The following PPP1R9A variants were observed in gnomAD, a reference collection of about 807,000 sequenced individuals.
The protein encoded by PPP1R9A is protein phosphatase 1 regulatory subunit 9A.
A neutral mutation model predicts 141.9 loss-of-function variants in PPP1R9A; 59 were observed. The ratio of observed to expected loss-of-function variants is 0.42; its 90% CI spans 0.34 to 0.52. The LOEUF is 0.52. PPP1R9A is among the 20% of genes least tolerant of loss of function. PPP1R9A has a pLI of 0.10. For missense variants in PPP1R9A, 1,444 were observed against 1,611.9 expected, an observed-to-expected ratio of 0.90 and a Z score of 1.78; for synonymous variants, 500 against 569.7, an observed-to-expected ratio of 0.88 and a Z score of 1.74.
intron 2 of PPP1R9A, among the ~76,000 whole-genome samples, chr7:95,039,519 C>T (rs1002113567): frequency 6.6e-6 from 1 of 150,540 alleles, no homozygotes; most frequent in East Asian, 2.0e-4. Flanking sequence ...GATCATGCCA[C>T]TGTACTCCAG....
chr7:95,021,277 A>G (rs867539910), intron 2 of PPP1R9A, among the ~76,000 whole-genome samples: 1 of 149,990 alleles, frequency 6.7e-6, no homozygotes, highest in Non-Finnish European at 1.5e-5. Context: ...TCTTCTTTTG[A>G]AAAGTGTTCA....
At chr7:94,937,146 A>G (rs899416177) in intron 2 of PPP1R9A, among the ~76,000 whole-genome samples, 1 of 152,022 alleles carries the variant, frequency 6.6e-6, no homozygotes, top group East Asian at 1.9e-4. Flanking sequence ...ATAATGCTGC[A>G]TCTTGATATA....
chr7:95,024,050 C>T (rs1037164412), intron 2 of PPP1R9A, among the ~76,000 whole-genome samples: 13 of 152,116 alleles, frequency 8.5e-5, no homozygotes. Context: ...ACCCAGTAGT[C>T]CTTTAGTAGC....
intron 2 of PPP1R9A, among the ~76,000 whole-genome samples, chr7:95,031,584 C>T (rs1038851586): frequency 2.0e-5 from 3 of 151,818 alleles, no homozygotes; most frequent in South Asian, 2.1e-4. Flanking sequence ...GGTGAAATGC[C>T]GTTTCTACTA....
intron 2 of PPP1R9A, among the ~76,000 whole-genome samples, chr7:95,062,967 C>T (rs182860247): frequency 5.5e-4 from 83 of 152,166 alleles, no homozygotes; most frequent in African/African-American, 2.0e-3. Flanking sequence ...AAATAAACTT[C>T]CATTGGAAAT....
At chr7:95,079,618 C>T (rs1311410768) in intron 2 of PPP1R9A, among the ~76,000 whole-genome samples, 12 of 151,854 alleles carry the variant, frequency 7.9e-5, no homozygotes, top group Non-Finnish European at 8.8e-5. Context: ...ATACCAAAGC[C>T]GGGCAGAGAC....
rs1807043977 is a variant in PPP1R9A, at chr7:95,295,917, T to C, written c.*5614T>C. ...CTGCTTTTATATTTTTTAATGGTGT[T>C]GCAACCACTTGTACACCTGCTACAC... is the stretch of plus-strand genomic sequence containing the variant. On this transcript the variant is annotated 3_prime_UTR_variant, in exon 20 of 20. Coordinates refer to ENST00000433360, the MANE Select transcript of PPP1R9A (RefSeq NM_001166160.2). 1 of 152,664 alleles carries C rather than the reference T, an allele frequency of 6.6e-6. No individual in the cohort carries two copies. 9.5% of individuals were successfully genotyped at this position (152,664 alleles called of 1,614,324 possible).
At chr7:95,246,943 A>G (rs979971323) in intron 8 of PPP1R9A, among the ~76,000 whole-genome samples, 2 of 152,184 alleles carry the variant, frequency 1.3e-5, no homozygotes, top group African/African-American at 4.8e-5. Flanking sequence ...AAAGAAAAAA[A>G]TATGTATCAG....
At chr7:94,984,445 T>C (rs778049857) in intron 2 of PPP1R9A, among the ~76,000 whole-genome samples, 3 of 152,192 alleles carry the variant, frequency 2.0e-5, no homozygotes, top group Non-Finnish European at 4.4e-5. Flanking sequence ...AATTTGGCTG[T>C]GAATCCATCT....
chr7:95,170,752 A>T (rs763906330), intron 5 of PPP1R9A, among the ~76,000 whole-genome samples: 31 of 151,594 alleles, frequency 2.0e-4, no homozygotes, highest in Non-Finnish European at 4.1e-4. Context: ...AAATAATATA[A>T]AACGAAATTC....
chr7:95,251,707 G>C, intron 10 of PPP1R9A, 55 bp from the exon 11 acceptor site: 1 of 1,499,526 alleles, frequency 6.7e-7, no homozygotes, highest in East Asian at 2.4e-5. Context: ...TTTCAGATAA[G>C]AACTTTCATT....
At chr7:95,094,012 C>T (rs1044182976) in intron 2 of PPP1R9A, among the ~76,000 whole-genome samples, 16 of 152,078 alleles carry the variant, frequency 1.1e-4, no homozygotes, top group Non-Finnish European at 1.3e-4. Flanking sequence ...CACTCCAAAG[C>T]GGCTGATTTA....
At chr7:95,083,072 C>T (rs559676381) in intron 2 of PPP1R9A, among the ~76,000 whole-genome samples, 5 of 151,764 alleles carry the variant, frequency 3.3e-5, no homozygotes, top group African/African-American at 4.9e-5. Context: ...CTTTTCTCAC[C>T]CATTGCAAGG....
intron 2 of PPP1R9A, among the ~76,000 whole-genome samples, chr7:94,958,759 G>A (rs1192797617): frequency 1.3e-5 from 2 of 151,866 alleles, no homozygotes; most frequent in Non-Finnish European, 2.9e-5. Context: ...TGTAACTTGG[G>A]TAAAATCCCA....
At chr7:95,268,444 C>G (rs1801636265) in intron 12 of PPP1R9A, 106 bp from the exon 13 acceptor site, 1 of 1,290,336 alleles carries the variant, frequency 7.7e-7, no homozygotes, top group Admixed American at 2.0e-5. Flanking sequence ...GTCACCTGAT[C>G]CTTACCTGAT....
intron 5 of PPP1R9A, among the ~76,000 whole-genome samples, chr7:95,196,247 G>C (rs1210679284): frequency 1.3e-5 from 2 of 152,066 alleles, no homozygotes; most frequent in Non-Finnish European, 2.9e-5. Context: ...TCAGTCATCA[G>C]GGCAATGGAA....
chr7:95,178,002 A>T (rs1463061449), intron 5 of PPP1R9A, among the ~76,000 whole-genome samples: 1 of 152,048 alleles, frequency 6.6e-6, no homozygotes, highest in Non-Finnish European at 1.5e-5. Flanking sequence ...CAAAGAAACA[A>T]TGGATTTAAA....
chr7:95,271,755 G>T (rs952183971), intron 14 of PPP1R9A, among the ~76,000 whole-genome samples: 1 of 152,112 alleles, frequency 6.6e-6, no homozygotes, highest in Non-Finnish European at 1.5e-5. Flanking sequence ...ACCCAATCTG[G>T]GGGCTCAGAT....
intron 2 of PPP1R9A, among the ~76,000 whole-genome samples, chr7:95,013,234 G>C (rs1399437721): frequency 6.6e-6 from 1 of 152,062 alleles, no homozygotes; most frequent in Non-Finnish European, 1.5e-5. Context: ...GTTTACCGAT[G>C]GGGCAGTCTC....
Sources: gnomAD v4.1 joint callset for allele counts (sites outside exome capture counted in the v4.1 genomes callset) on GRCh38, gnomAD v4.1.1 for gene constraint, MANE v1.5 for transcripts, NCBI Gene and HGNC (gene_info 2026-07-23, HGNC 2026-07-21) for gene names.